Variants in ARFGEF3 observed in about 807,000 individuals in gnomAD.
ARFGEF3 encodes the protein ARFGEF family member 3, also known as brefeldin A-inhibited guanine nucleotide-exchange protein 3.
Under a neutral mutation model 221.7 loss-of-function variants are expected in ARFGEF3, and 96 were observed. The ratio of observed to expected loss-of-function variants is 0.43; its 90% CI spans 0.37 to 0.51. The LOEUF (loss-of-function observed/expected upper bound fraction) is 0.51. ARFGEF3 is among the 20% of genes least tolerant of loss of function. ARFGEF3 has a pLI of 0.00. For synonymous variants in ARFGEF3, 1,145 were observed against 1,126.8 expected, an observed-to-expected ratio of 1.02 and a Z score of -0.32; for missense variants, 2,410 against 2,789.9, an observed-to-expected ratio of 0.86 and a Z score of 3.07.
intron 12 of ARFGEF3, among the ~76,000 whole-genome samples, chr6:138,272,893 G>A (rs1035642178): frequency 5.9e-5 from 9 of 152,156 alleles, no homozygotes; most frequent in South Asian, 2.1e-4. Flanking sequence ...CTTTTAGTAC[G>A]CTTGCAGAAG....
At chr6:138,289,390 A>T (rs1779357540) in intron 17 of ARFGEF3, among the ~76,000 whole-genome samples, 1 of 152,282 alleles carries the variant, frequency 6.6e-6, no homozygotes, top group African/African-American at 2.4e-5. Flanking sequence ...GATGATGATC[A>T]TAATGAGAGC....
intron 2 of ARFGEF3, among the ~76,000 whole-genome samples, chr6:138,188,061 G>A (rs1183245641): frequency 6.6e-6 from 1 of 152,170 alleles, no homozygotes; most frequent in Non-Finnish European, 1.5e-5. Flanking sequence ...TAATACTTGA[G>A]TATTTGTTTA....
intron 1 of ARFGEF3, among the ~76,000 whole-genome samples, chr6:138,170,447 T>C (rs1776805289): frequency 6.6e-6 from 1 of 152,222 alleles, no homozygotes; most frequent in South Asian, 2.1e-4. Context: ...AACTTTTAAC[T>C]TTCCCCTCCT....
chr6:138,255,845 A>G (rs1778668309), intron 10 of ARFGEF3, 76 bp downstream of exon 10: 1 of 1,264,708 alleles, frequency 7.9e-7, no homozygotes, highest in Non-Finnish European at 1.1e-6. Context: ...AAGCGCTCAG[A>G]AAAGGCTTGC....
chr6:138,196,396 T>C (rs1181898574), intron 2 of ARFGEF3, among the ~76,000 whole-genome samples: 4 of 152,266 alleles, frequency 2.6e-5, no homozygotes, highest in Non-Finnish European at 5.9e-5. Context: ...ACTGCATGAA[T>C]ACTGTAGGCA....
chr6:138,313,965 A>G (rs1340417454), intron 26 of ARFGEF3, 26 bp downstream of exon 26: 3 of 1,610,228 alleles, frequency 1.9e-6, no homozygotes, highest in Non-Finnish European at 2.5e-6. Context: ...GGACTAAACT[A>G]GGTTATTTGC....
chr6:138,177,275 T>C (rs1054137527), intron 2 of ARFGEF3, among the ~76,000 whole-genome samples: 2 of 151,630 alleles, frequency 1.3e-5, no homozygotes, highest in Non-Finnish European at 2.9e-5. Flanking sequence ...TTTTTGTTTG[T>C]TTGTTTGTTT....
At chr6:138,264,903 C>CT (rs777385641) in intron 12 of ARFGEF3, among the ~76,000 whole-genome samples, 2,073 of 137,328 alleles carry the variant, frequency 0.015, 31 homozygotes, top group African/African-American at 0.032. Flanking sequence ...TTTTTTTTTC[C>CT]TTTTTTTTTT....
intron 2 of ARFGEF3, among the ~76,000 whole-genome samples, chr6:138,180,500 C>T (rs1777056979): frequency 6.6e-6 from 1 of 152,154 alleles, no homozygotes; most frequent in Non-Finnish European, 1.5e-5. Context: ...TTTCTCCCTA[C>T]TATAGCTGAC....
In ARFGEF3 at chr6:138,286,035, G is replaced by A. The variant is rs368032566; in HGVS notation, c.2551G>A (p.Asp851Asn). The A allele has an allele frequency of 3.1e-6, 5 of 1,604,312 alleles. No individual in the cohort carries two copies. The highest frequency in any genetic ancestry group is 3.4e-6 in the Non-Finnish European group (4 of 1,177,126). The part of the protein sequence containing the change: ...ESPFAQSRRI[D>N]DSTVAGVAFA... Reference sequence around the variant, plus strand: ...TCCTTTCGCCCAGAGCAGGAGAATTGATGACTCCACAGTGGCAGGTAATGA... The same window carrying A: ...TCCTTTCGCCCAGAGCAGGAGAATTAATGACTCCACAGTGGCAGGTAATGA... Residue 851 changes from aspartate (D) to asparagine (N), a missense_variant, in exon 15 of 34, where the codon GAT becomes AAT. Coordinates refer to ENST00000251691, the MANE Select transcript of ARFGEF3 (RefSeq NM_020340.5).
In ARFGEF3 at chr6:138,234,570, C is replaced by A. The variant is rs576076578; in HGVS notation, c.421-3939C>A. On this transcript the variant is annotated intron_variant, in intron 5 of 33. Coordinates refer to ENST00000251691, the MANE Select transcript of ARFGEF3 (RefSeq NM_020340.5). ...GCCACATACCTACCTGTTGACCTGT[C>A]TTAGGAAGGAGAGAATAAGGAATAG... is the stretch of plus-strand genomic sequence containing the variant. 4.8e-4 allele frequency among the ~76,000 whole-genome samples: 73 copies of A among 152,036 alleles called. 1 individual carries two copies. The highest frequency in any genetic ancestry group is 4.8e-3 in the Admixed American group (73 of 15,270).
chr6:138,248,677 T>A (rs1778529348), intron 8 of ARFGEF3, among the ~76,000 whole-genome samples: 1 of 151,940 alleles, frequency 6.6e-6, no homozygotes, highest in Non-Finnish European at 1.5e-5. Flanking sequence ...ATACAAAAAA[T>A]TAACCAGGCG....
intron 2 of ARFGEF3, among the ~76,000 whole-genome samples, chr6:138,177,326 C>T (rs1412745208): frequency 6.6e-6 from 1 of 151,890 alleles, no homozygotes; most frequent in African/African-American, 2.4e-5. Flanking sequence ...ATCATGTTGC[C>T]CAGGCTGGTC....
intron 10 of ARFGEF3, among the ~76,000 whole-genome samples, chr6:138,256,449 A>G (rs182802875): frequency 7.9e-5 from 12 of 152,298 alleles, no homozygotes; most frequent in South Asian, 4.1e-4. Flanking sequence ...TCCTTTTGTT[A>G]TCTCAACCCC....
chr6:138,264,996 C>T lies in ARFGEF3; in HGVS notation c.2128+1385C>T, dbSNP rs1040265469. Among the ~76,000 whole-genome samples, 185 of 151,634 alleles carry T rather than the reference C, an allele frequency of 1.2e-3. 4 individuals are homozygous for T. Among genetic ancestry groups the T allele is most frequent in the Admixed American group, 0.011 (161 of 15,222 alleles). ...TCGGCTCACTGCAAGCTCCGCCTCC[C>T]GGGTTCATGCCATTCTCCTGCCTCA... On this transcript the variant is annotated intron_variant, in intron 12 of 33. Coordinates refer to ENST00000251691, the MANE Select transcript of ARFGEF3 (RefSeq NM_020340.5).
chr6:138,320,409 A>G (rs1780003023), intron 28 of ARFGEF3, among the ~76,000 whole-genome samples: 1 of 152,218 alleles, frequency 6.6e-6, no homozygotes, highest in South Asian at 2.1e-4. Flanking sequence ...TGGGATGGAC[A>G]GTATGCTGAA....
At chr6:138,317,489 C>A in intron 27 of ARFGEF3, 110 bp downstream of exon 27, 1 of 1,312,112 alleles carries the variant, frequency 7.6e-7, no homozygotes, top group Non-Finnish European at 1.1e-6. Context: ...AGACTTAGTA[C>A]AAAGCTCACA....
intron 4 of ARFGEF3, among the ~76,000 whole-genome samples, chr6:138,213,578 C>T (rs937886953): frequency 5.3e-5 from 8 of 151,158 alleles, no homozygotes. Flanking sequence ...TAAAATAAAC[C>T]AGGCACAGAA....
rs1779776338 is a variant in ARFGEF3, at chr6:138,308,934, A to G, written c.4096+73A>G. 2.5e-6 allele frequency: 4 copies of G among 1,577,050 alleles called. No individual in the cohort carries two copies. The South Asian group carries it at 3.4e-5, about 13-fold the overall frequency. On this transcript the variant is annotated intron_variant, in intron 24 of 33. Transcript: ENST00000251691. ...CCAGGGTGGCTCTGTGGCTGGAGAC[A>G]GGGCCTACTGACTGTCTGGAACAAG... is the stretch of plus-strand genomic sequence containing the variant.
Sources: gnomAD v4.1 joint callset for allele counts (sites outside exome capture counted in the v4.1 genomes callset) on GRCh38, gnomAD v4.1.1 for gene constraint, MANE v1.5 for transcripts, NCBI Gene and HGNC (gene_info 2026-07-23, HGNC 2026-07-21) for gene names.